The following TAFA1 variants were observed in gnomAD, a reference collection of about 807,000 sequenced individuals.
TAFA1 encodes the protein TAFA chemokine like family member 1.
Under a neutral mutation model 18.5 loss-of-function variants are expected in TAFA1, and 4 were observed. The observed-to-expected ratio is 0.22, with a 90% confidence interval of 0.11 to 0.49. The LOEUF is 0.49. TAFA1 is among the 20% of genes least tolerant of loss of function. The probability of loss-of-function intolerance (pLI) is 0.98; values close to 1 mark genes in which losing one functional copy is unlikely to be tolerated. For synonymous variants in TAFA1, 56 were observed against 55.2 expected (o/e 1.01, Z -0.06); for missense variants, 147 against 169.0 (o/e 0.87, Z 0.72).
At chr3:68,244,257 T>C (rs1038861627) in intron 2 of TAFA1, among the ~76,000 whole-genome samples, 1 of 152,204 alleles carries the variant, frequency 6.6e-6, no homozygotes, top group African/African-American at 2.4e-5. Flanking sequence ...CAAAAGTTTC[T>C]AATTTTGATG....
chr3:68,151,775 C>A (rs2065809351), intron 2 of TAFA1, among the ~76,000 whole-genome samples: 1 of 152,174 alleles, frequency 6.6e-6, no homozygotes, highest in East Asian at 1.9e-4. Flanking sequence ...AAGTTTCCAT[C>A]ACATGAACTT....
chr3:68,076,774 T>A (rs1268150615), intron 2 of TAFA1, among the ~76,000 whole-genome samples: 8 of 152,262 alleles, frequency 5.3e-5, no homozygotes, highest in Admixed American at 2.6e-4. Context: ...ACATACATGT[T>A]CATGTGTCTT....
intron 2 of TAFA1, among the ~76,000 whole-genome samples, chr3:68,029,069 GA>G (rs1160839065): frequency 6.6e-6 from 1 of 151,884 alleles, no homozygotes; most frequent in Non-Finnish European, 1.5e-5. Flanking sequence ...ACTCTTAACA[GA>G]AAACTTGACA....
chr3:68,019,356 T>C (rs972129715), intron 2 of TAFA1, among the ~76,000 whole-genome samples: 4 of 152,208 alleles, frequency 2.6e-5, no homozygotes, highest in African/African-American at 9.6e-5. Flanking sequence ...ATAAATTCTT[T>C]TAGACTCCAT....
chr3:68,047,384 G>C (rs1267582636), intron 2 of TAFA1, among the ~76,000 whole-genome samples: 1 of 152,002 alleles, frequency 6.6e-6, no homozygotes, highest in Non-Finnish European at 1.5e-5. Flanking sequence ...TTCAAGAAGG[G>C]GCTCACCACA....
chr3:67,997,088 G>T, the TAFA1 span, among the ~76,000 whole-genome samples: 1 of 151,894 alleles, frequency 6.6e-6, no homozygotes, highest in Non-Finnish European at 1.5e-5. Context: ...GAAGGGGAAG[G>T]GAAATGGTAG....
chr3:68,407,902 T>G (rs1290558933), intron 2 of TAFA1, among the ~76,000 whole-genome samples: 1 of 152,174 alleles, frequency 6.6e-6, no homozygotes, highest in Non-Finnish European at 1.5e-5. Flanking sequence ...TATTTTGCCC[T>G]CCTCAACCAA....
intron 2 of TAFA1, among the ~76,000 whole-genome samples, chr3:68,185,662 C>G (rs950020704): frequency 6.6e-6 from 1 of 152,016 alleles, no homozygotes; most frequent in Non-Finnish European, 1.5e-5. Flanking sequence ...GTAATCCCAG[C>G]ACTTTGGGAG....
At chr3:68,538,946 C>A in intron 4 of TAFA1, 66 bp downstream of exon 4, 1 of 1,522,914 alleles carries the variant, frequency 6.6e-7, no homozygotes, top group Non-Finnish European at 9.0e-7. Flanking sequence ...TTGTGCTGTG[C>A]AAACAGCATC....
At chr3:68,145,937 CG>C (rs946652300) in intron 2 of TAFA1, among the ~76,000 whole-genome samples, 10 of 152,098 alleles carry the variant, frequency 6.6e-5, no homozygotes, top group Non-Finnish European at 2.9e-5. Flanking sequence ...TTACACAACC[CG>C]GGGGACATGG....
At chr3:68,157,317 A>G (rs1013134987) in intron 2 of TAFA1, among the ~76,000 whole-genome samples, 8 of 152,244 alleles carry the variant, frequency 5.3e-5, no homozygotes, top group Non-Finnish European at 8.8e-5. Context: ...ATCAGAAAGC[A>G]GAACATTGCC....
intron 3 of TAFA1, among the ~76,000 whole-genome samples, chr3:68,535,746 A>G (rs2073269609): frequency 2.0e-5 from 3 of 152,174 alleles, no homozygotes; most frequent in Non-Finnish European, 2.9e-5. Context: ...CAAAATAAGG[A>G]TAGCTGCCTG....
At chr3:68,242,331 GCT>G (rs894639407) in intron 2 of TAFA1, among the ~76,000 whole-genome samples, 5 of 152,044 alleles carry the variant, frequency 3.3e-5, no homozygotes, top group African/African-American at 1.2e-4. Flanking sequence ...TTAAAAGTTT[GCT>G]CTGTTTAAAT....
chr3:68,223,219 A>G (rs76098250), intron 2 of TAFA1, among the ~76,000 whole-genome samples: 2 of 152,314 alleles, frequency 1.3e-5, no homozygotes, highest in East Asian at 3.9e-4. Context: ...CAACATACTT[A>G]AGGTTGAGAT....
intron 2 of TAFA1, among the ~76,000 whole-genome samples, chr3:68,083,307 G>C (rs994774687): frequency 4.2e-4 from 64 of 152,170 alleles, no homozygotes; most frequent in African/African-American, 1.5e-3. Context: ...AATATTTTAG[G>C]TGATAATCAC....
At chr3:68,383,008 ATTG>A (rs1174706228) in intron 2 of TAFA1, among the ~76,000 whole-genome samples, 1 of 151,952 alleles carries the variant, frequency 6.6e-6, no homozygotes. Flanking sequence ...CAGCTTGACT[ATTG>A]TTGATGTATA....
At chr3:68,487,443 AT>A (rs2072365018) in intron 3 of TAFA1, among the ~76,000 whole-genome samples, 2 of 152,092 alleles carry the variant, frequency 1.3e-5, no homozygotes. Context: ...ATTTCTACAA[AT>A]GTTAAAATTT....
chr3:68,247,669 C>T (rs977372899), intron 2 of TAFA1: 16 of 152,184 alleles, frequency 1.1e-4, no homozygotes, highest in African/African-American at 1.9e-4. Flanking sequence ...TCCTTTTGGC[C>T]GCAATCTGAA....
At chr3:68,207,104 A>G (rs1397214404) in intron 2 of TAFA1, among the ~76,000 whole-genome samples, 1 of 151,968 alleles carries the variant, frequency 6.6e-6, no homozygotes, top group African/African-American at 2.4e-5. Flanking sequence ...TACCCTGAAT[A>G]TTATCAAATT....
Sources: allele counts gnomAD v4.1 joint callset (sites outside exome capture counted in the v4.1 genomes callset), GRCh38; gene constraint gnomAD v4.1.1; transcripts MANE v1.5; gene names NCBI Gene and HGNC (gene_info 2026-07-23, HGNC 2026-07-21).